PDE1A: variants seen among roughly 807,000 people sequenced by gnomAD.
PDE1A encodes the protein dual specificity calcium/calmodulin-dependent 3',5'-cyclic nucleotide phosphodiesterase 1A.
PDE1A carries 35 observed loss-of-function variants against 61.7 expected under a neutral mutation model. The ratio of observed to expected loss-of-function variants is 0.57; its 90% CI spans 0.43 to 0.75. The LOEUF is 0.75. Among genes scored for constraint, PDE1A ranks in the 30% least tolerant of loss-of-function variants. PDE1A has a pLI of 0.00. For missense variants in PDE1A, 597 were observed against 630.6 expected, an observed-to-expected ratio of 0.95 and a Z score of 0.57; for synonymous variants, 232 against 213.2, an observed-to-expected ratio of 1.09 and a Z score of -0.77.
At chr2:182,317,614 G>A (rs1482068723) in intron 1 of PDE1A, among the ~76,000 whole-genome samples, 3 of 151,868 alleles carry the variant, frequency 2.0e-5, no homozygotes, top group African/African-American at 4.9e-5. Flanking sequence ...TGATGTGTCC[G>A]AAAGCCTGAA....
chr2:182,246,010 C>T (rs2128044), intron 2 of PDE1A, among the ~76,000 whole-genome samples: 1 of 152,232 alleles, frequency 6.6e-6, no homozygotes, highest in Non-Finnish European at 1.5e-5. Flanking sequence ...TGGCCTCCCC[C>T]TCTTGCTCCT....
chr2:182,591,763 C>G, the PDE1A span, among the ~76,000 whole-genome samples: 5 of 152,150 alleles, frequency 3.3e-5, no homozygotes, highest in African/African-American at 1.2e-4. Flanking sequence ...AGTCAAGAAC[C>G]ACTAGTCAAG....
chr2:182,574,678 T>G, the PDE1A span, among the ~76,000 whole-genome samples: 3 of 151,956 alleles, frequency 2.0e-5, no homozygotes, highest in African/African-American at 7.3e-5. Flanking sequence ...AATCACAGTC[T>G]ACGTTTTTTT....
chr2:182,209,114 T>G (rs1171908305), intron 7 of PDE1A, among the ~76,000 whole-genome samples: 4 of 152,136 alleles, frequency 2.6e-5, no homozygotes, highest in Non-Finnish European at 4.4e-5. Flanking sequence ...TTCAAGCTGC[T>G]GATAAAGACA....
chr2:182,598,201 T>A, the PDE1A span, among the ~76,000 whole-genome samples: 2 of 152,330 alleles, frequency 1.3e-5, no homozygotes, highest in South Asian at 4.1e-4. Context: ...CAACCCTTAA[T>A]CTTTTTTCCA....
At chr2:182,614,776 T>A in the PDE1A span, among the ~76,000 whole-genome samples, 1 of 151,916 alleles carries the variant, frequency 6.6e-6, no homozygotes, top group Non-Finnish European at 1.5e-5. Context: ...AGGCTGGTCT[T>A]GAACTCCTAA....
upstream of PDE1A, among the ~76,000 whole-genome samples, chr2:182,527,303 T>TTA (rs1690785942): frequency 1.3e-4 from 3 of 22,842 alleles, no homozygotes; most frequent in African/African-American, 6.0e-4. Flanking sequence ...CCTTTCTCTA[T>TTA]AAAAAAAAAA....
At chr2:182,656,931 T>A in the PDE1A span, among the ~76,000 whole-genome samples, 1 of 152,104 alleles carries the variant, frequency 6.6e-6, no homozygotes, top group Non-Finnish European at 1.5e-5. Flanking sequence ...ATATGCAGAA[T>A]AAAACACAAC....
At chr2:182,255,659 C>CTTTTTT (rs1303654382) in intron 2 of PDE1A, among the ~76,000 whole-genome samples, 2 of 133,570 alleles carry the variant, frequency 1.5e-5, no homozygotes, top group Non-Finnish European at 1.6e-5. Context: ...TCTTTCTTTT[C>CTTTTTT]TTTTTTTTTT....
intron 1 of PDE1A, chr2:182,522,643 A>G: frequency 8.2e-7 from 1 of 1,220,934 alleles, no homozygotes; most frequent in Non-Finnish European, 1.0e-6. Context: ...CGTACATGTG[A>G]GCCTGCTACT....
In PDE1A at chr2:182,273,577, C is replaced by T. The variant is rs181356286; in HGVS notation, c.54-9163G>A. 1.0e-3 allele frequency among the ~76,000 whole-genome samples: 159 copies of T among 151,990 alleles called. 1 individual carries two copies. The highest frequency in any genetic ancestry group is 3.7e-3 in the African/African-American group (154 of 41,474). On this transcript the variant is annotated intron_variant, in intron 1 of 13. Coordinates refer to ENST00000351439, the Ensembl canonical transcript of PDE1A. ...TGAGGTAGACATAAAGAAGAAAATA[C>T]ACATTAAGTGAAAAGAGAAAGAGAA... is the stretch of plus-strand genomic sequence containing the variant.
chr2:182,365,885 C>T (rs1699810963), intron 1 of PDE1A, among the ~76,000 whole-genome samples: 1 of 151,982 alleles, frequency 6.6e-6, no homozygotes. Context: ...GGGCTTTGTA[C>T]CCCACAAACA....
At chr2:182,615,277 C>T in the PDE1A span, among the ~76,000 whole-genome samples, 1 of 152,102 alleles carries the variant, frequency 6.6e-6, no homozygotes, top group African/African-American at 2.4e-5. Flanking sequence ...TTTGACTCCT[C>T]CTGGTATATG....
chr2:182,209,661 G>C (rs1484036733), intron 7 of PDE1A, among the ~76,000 whole-genome samples: 2 of 151,880 alleles, frequency 1.3e-5, no homozygotes, highest in Non-Finnish European at 2.9e-5. Context: ...TAATGAGTGA[G>C]TTCTCATAAG....
chr2:182,360,124 A>C (rs1345445066), intron 1 of PDE1A, among the ~76,000 whole-genome samples: 2 of 152,052 alleles, frequency 1.3e-5, no homozygotes, highest in Non-Finnish European at 2.9e-5. Context: ...CCAGACACAG[A>C]CTTTGACACT....
At chr2:182,535,903 T>C in the PDE1A span, among the ~76,000 whole-genome samples, 8 of 152,188 alleles carry the variant, frequency 5.3e-5, no homozygotes, top group Non-Finnish European at 1.2e-4. Context: ...GCCACTTTCA[T>C]TGAAGATCCA....
chr2:182,438,773 C>A (rs1684604728), intron 2 of PDE1A, among the ~76,000 whole-genome samples: 1 of 151,980 alleles, frequency 6.6e-6, no homozygotes, highest in Non-Finnish European at 1.5e-5. Flanking sequence ...ATATGCCATA[C>A]TGAAGAGCTG....
chr2:182,438,552 G>A lies in PDE1A; in HGVS notation c.101+83724C>T, dbSNP rs118095812. Among the ~76,000 whole-genome samples the A allele has an allele frequency of 6.5e-3, 994 of 152,100 alleles. 19 individuals carry two copies. Among genetic ancestry groups the A allele is most frequent in the Admixed American group, 0.034 (525 of 15,222 alleles). ...AGAGGAAATTATGCTGTTTTAGCAA[G>A]GTTTAGCCAGTGCTTGGAAGTTCAT... On this transcript the variant is annotated intron_variant, in intron 2 of 14. Coordinates refer to the PDE1A transcript ENST00000410103.
At chr2:182,650,297 A>G in the PDE1A span, among the ~76,000 whole-genome samples, 1 of 152,210 alleles carries the variant, frequency 6.6e-6, no homozygotes, top group African/African-American at 2.4e-5. Flanking sequence ...ACCTACTAAC[A>G]AGCAAAACTG....
Sources: gnomAD v4.1 joint callset for allele counts (sites outside exome capture counted in the v4.1 genomes callset) on GRCh38, gnomAD v4.1.1 for gene constraint, MANE v1.5 for transcripts, NCBI Gene and HGNC (gene_info 2026-07-23, HGNC 2026-07-21) for gene names.